BICC1: variants seen among roughly 807,000 people sequenced by gnomAD.
BICC1 encodes protein bicaudal C homolog 1.
In BICC1, 43 loss-of-function variants were observed where a neutral mutation model predicts 111.0. The observed-to-expected ratio is 0.39, with a 90% CI of 0.30 to 0.50. BICC1 has a LOEUF of 0.50. Among genes scored for constraint, BICC1 ranks in the 20% least tolerant of loss-of-function variants. BICC1 has a pLI of 0.88. For missense variants in BICC1, 1,091 were observed against 1,203.2 expected (o/e 0.91, Z 1.38); for synonymous variants, 467 against 434.4 (o/e 1.07, Z -0.93).
intron 1 of BICC1, among the ~76,000 whole-genome samples, chr10:58,529,034 T>A (rs1362602313): frequency 6.6e-6 from 1 of 151,968 alleles, no homozygotes; most frequent in East Asian, 1.9e-4. Flanking sequence ...CAGTCAAATT[T>A]GCAACACCCT....
intron 3 of BICC1, among the ~76,000 whole-genome samples, chr10:58,769,234 C>T (rs980774904): frequency 7.3e-5 from 11 of 151,322 alleles, no homozygotes; most frequent in African/African-American, 2.7e-4. Context: ...GACTATAGCT[C>T]ATAATATACC....
chr10:58,512,822 G>A (rs1230133706), upstream of BICC1, among the ~76,000 whole-genome samples: 2 of 149,948 alleles, frequency 1.3e-5, no homozygotes, highest in African/African-American at 4.9e-5. Context: ...GGCGGGCGGG[G>A]AGGGGGCGCC....
At chr10:58,616,364 C>T (rs1845606624) in intron 1 of BICC1, among the ~76,000 whole-genome samples, 1 of 152,168 alleles carries the variant, frequency 6.6e-6, no homozygotes, top group Non-Finnish European at 1.5e-5. Flanking sequence ...TGATAAACAG[C>T]CAAATGAAGT....
chr10:58,813,436 C>G (rs932954732), intron 17 of BICC1, among the ~76,000 whole-genome samples: 13 of 152,108 alleles, frequency 8.5e-5, no homozygotes, highest in Admixed American at 5.2e-4. Flanking sequence ...CACCATTTCT[C>G]TTACTTGTGT....
intron 1 of BICC1, among the ~76,000 whole-genome samples, chr10:58,578,397 A>T (rs752769623): frequency 6.6e-6 from 1 of 152,128 alleles, no homozygotes; most frequent in Non-Finnish European, 1.5e-5. Flanking sequence ...TCGGGCCCAC[A>T]TTGTATTTCA....
At chr10:58,715,994 C>G in intron 3 of BICC1, 1 of 1,407,516 alleles carries the variant, frequency 7.1e-7, no homozygotes, top group Non-Finnish European at 9.8e-7. Flanking sequence ...AGCTCCATGT[C>G]AGAAACTGAA....
chr10:58,646,279 G>A lies in BICC1; in HGVS notation c.237+25378G>A, dbSNP rs370910404. 5.9e-5 allele frequency among the ~76,000 whole-genome samples: 9 copies of A among 152,144 alleles called. No homozygotes were observed. In the East Asian group the frequency reaches 1.5e-3, roughly 26 times the overall value. On this transcript the variant is annotated intron_variant, in intron 2 of 20. Coordinates refer to ENST00000373886, the MANE Select transcript of BICC1 (RefSeq NM_001080512.3). ...CTTTTAAATGCGTTGATCATATTGGGGCAAAGTGCTAATAAATATAATTTT... is the reference window on the plus strand; with the variant it reads ...CTTTTAAATGCGTTGATCATATTGGAGCAAAGTGCTAATAAATATAATTTT...
At chr10:58,788,879 A>C (rs1259767431) in intron 6 of BICC1, among the ~76,000 whole-genome samples, 1 of 152,172 alleles carries the variant, frequency 6.6e-6, no homozygotes, top group East Asian at 1.9e-4. Flanking sequence ...TGAGGCCTGG[A>C]GTTCGTGACC....
chr10:58,722,205 C>T (rs1840960172), intron 3 of BICC1, among the ~76,000 whole-genome samples: 2 of 152,182 alleles, frequency 1.3e-5, no homozygotes, highest in African/African-American at 4.8e-5. Flanking sequence ...TACCTGAGTT[C>T]TTCAGCAATT....
intron 3 of BICC1, among the ~76,000 whole-genome samples, chr10:58,735,850 A>G (rs897679507): frequency 2.0e-5 from 3 of 152,220 alleles, no homozygotes; most frequent in African/African-American, 4.8e-5. Context: ...TGGACTTTCC[A>G]TAGGTACCTC....
chr10:58,746,104 T>C (rs1433367563), intron 3 of BICC1, among the ~76,000 whole-genome samples: 1 of 152,124 alleles, frequency 6.6e-6, no homozygotes, highest in Non-Finnish European at 1.5e-5. Context: ...GCAATCCAAA[T>C]TGGCCTTCCC....
At chr10:58,792,900 TGGTACCAGAAA>T (rs1240273934) in intron 8 of BICC1, among the ~76,000 whole-genome samples, 17 of 152,084 alleles carry the variant, frequency 1.1e-4, no homozygotes, top group Admixed American at 1.1e-3. Flanking sequence ...AACTGGTCTG[TGGTACCAGAAA>T]GGTTGGGGAC....
chr10:58,549,354 G>C (rs1405315851), intron 1 of BICC1, among the ~76,000 whole-genome samples: 1 of 152,094 alleles, frequency 6.6e-6, no homozygotes, highest in Admixed American at 6.6e-5. Context: ...AGCTTTTTAA[G>C]ACACTGCCAA....
chr10:58,817,784 A>G (rs1179931125), intron 19 of BICC1, 62 bp downstream of exon 19: 6 of 1,484,478 alleles, frequency 4.0e-6, no homozygotes, highest in Non-Finnish European at 4.6e-6. Flanking sequence ...TGACTTCTAG[A>G]ATGAAATCAC....
At chr10:58,682,796 G>C (rs1839575859) in intron 2 of BICC1, among the ~76,000 whole-genome samples, 1 of 152,164 alleles carries the variant, frequency 6.6e-6, no homozygotes, top group African/African-American at 2.4e-5. Flanking sequence ...TTGTCAGATA[G>C]GTAGATTGTG....
chr10:58,561,084 T>C (rs1359258350), intron 1 of BICC1, among the ~76,000 whole-genome samples: 1 of 152,068 alleles, frequency 6.6e-6, no homozygotes, highest in Non-Finnish European at 1.5e-5. Flanking sequence ...TTTTTGTTGC[T>C]GTTGATTTTT....
At chr10:58,606,095 G>T (rs2132088705) in intron 1 of BICC1, among the ~76,000 whole-genome samples, 1 of 151,664 alleles carries the variant, frequency 6.6e-6, no homozygotes, top group Admixed American at 6.6e-5. Flanking sequence ...GAGGCCTGTT[G>T]GCCTGCTTCA....
intron 1 of BICC1, among the ~76,000 whole-genome samples, chr10:58,557,014 G>A (rs952649692): frequency 5.9e-5 from 9 of 152,016 alleles, no homozygotes; most frequent in African/African-American, 2.4e-5. Context: ...TTGCAGATGT[G>A]ATTAAGGATC....
chr10:58,796,258 C>G (rs1843348850), intron 9 of BICC1, 82 bp from the exon 10 acceptor site: 5 of 1,191,456 alleles, frequency 4.2e-6, no homozygotes, highest in Non-Finnish European at 6.0e-6. Context: ...TTAGCGTATT[C>G]ATTTTCCACC....
Sources: gnomAD v4.1 joint callset for allele counts (sites outside exome capture counted in the v4.1 genomes callset) on GRCh38, gnomAD v4.1.1 for gene constraint, MANE v1.5 for transcripts, NCBI Gene and HGNC (gene_info 2026-07-23, HGNC 2026-07-21) for gene names.